Variants in SGCG observed in about 807,000 individuals in gnomAD.
SGCG encodes gamma-sarcoglycan.
In SGCG, 26 loss-of-function variants were observed where a neutral mutation model predicts 29.3. The ratio of observed to expected loss-of-function variants is 0.89; its 90% confidence interval spans 0.65 to 1.23. The LOEUF (loss-of-function observed/expected upper bound fraction) is 1.23. SGCG is among the 50% of genes most tolerant of loss of function. The probability of loss-of-function intolerance (pLI) is 0.00; values close to 1 mark genes in which losing one functional copy is unlikely to be tolerated. For synonymous variants in SGCG, 145 were observed against 129.7 expected (o/e 1.12, Z -0.80); for missense variants, 353 against 356.0 (o/e 0.99, Z 0.07).
the SGCG span, among the ~76,000 whole-genome samples, chr13:23,170,981 T>C: frequency 6.6e-6 from 1 of 152,232 alleles, no homozygotes; most frequent in African/African-American, 2.4e-5. Context: ...GAAAATAGTA[T>C]AATTTGGCTT....
At chr13:23,204,705 C>CT (rs1877916907) in intron 2 of SGCG, among the ~76,000 whole-genome samples, 2 of 140,888 alleles carry the variant, frequency 1.4e-5, no homozygotes, top group African/African-American at 5.4e-5. Flanking sequence ...TTCTTTCTTT[C>CT]CTTTTTTTTT....
chr13:23,252,897 A>G (rs969224245), intron 4 of SGCG, among the ~76,000 whole-genome samples: 1 of 152,154 alleles, frequency 6.6e-6, no homozygotes, highest in African/African-American at 2.4e-5. Flanking sequence ...TTAGTAGAGA[A>G]GTCAAAACAG....
At chr13:23,183,292 C>A (rs1876819698) in intron 1 of SGCG, among the ~76,000 whole-genome samples, 1 of 152,152 alleles carries the variant, frequency 6.6e-6, no homozygotes, top group African/African-American at 2.4e-5. Context: ...CTTATCCTGA[C>A]CCCACACTGC....
intron 3 of SGCG, chr13:23,245,665 C>T (rs1028210973): frequency 7.2e-5 from 11 of 152,274 alleles, no homozygotes; most frequent in East Asian, 1.9e-4. Flanking sequence ...AAAAGCTCTC[C>T]GCCTTTAAAT....
At chr13:23,261,413 G>C (rs1313781240) in intron 4 of SGCG, among the ~76,000 whole-genome samples, 1 of 151,972 alleles carries the variant, frequency 6.6e-6, no homozygotes, top group African/African-American at 2.4e-5. Flanking sequence ...AAGAATTTCA[G>C]AGCTCGAAGA....
chr13:23,210,651 A>T (rs555311847), intron 2 of SGCG, among the ~76,000 whole-genome samples: 1 of 152,274 alleles, frequency 6.6e-6, no homozygotes, highest in African/African-American at 2.4e-5. Context: ...AGATCATGCC[A>T]TTGCACTCCA....
intron 5 of SGCG, among the ~76,000 whole-genome samples, chr13:23,282,489 C>A (rs1346795914): frequency 6.6e-5 from 10 of 152,170 alleles, no homozygotes. Flanking sequence ...TCCCATCCTC[C>A]ACCCTTCAGT....
At chr13:23,168,507 G>A in the SGCG span, among the ~76,000 whole-genome samples, 1 of 152,202 alleles carries the variant, frequency 6.6e-6, no homozygotes, top group African/African-American at 2.4e-5. Context: ...AGCCCCAGCA[G>A]GGTGCTCGTG....
chr13:23,214,879 AAGATATTATT>A (rs1254048322), intron 2 of SGCG, among the ~76,000 whole-genome samples: 1 of 152,216 alleles, frequency 6.6e-6, no homozygotes, highest in Non-Finnish European at 1.5e-5. Context: ...ATTAGAAGAC[AAGATATTATT>A]AGGACTGAGT....
intron 2 of SGCG, among the ~76,000 whole-genome samples, chr13:23,216,784 CTGT>C (rs1382190929): frequency 1.3e-5 from 2 of 152,070 alleles, no homozygotes; most frequent in Admixed American, 6.5e-5. Flanking sequence ...ATATAGTTCT[CTGT>C]TGTTAATTAC....
the SGCG span, among the ~76,000 whole-genome samples, chr13:23,173,926 A>G: frequency 3.9e-5 from 6 of 152,240 alleles, no homozygotes; most frequent in Admixed American, 6.5e-5. Context: ...GGACAGAATT[A>G]CGTCTCTGCA....
At chr13:23,274,493 C>G (rs543930505) in intron 4 of SGCG, among the ~76,000 whole-genome samples, 15 of 149,848 alleles carry the variant, frequency 1.0e-4, no homozygotes, top group African/African-American at 2.7e-4. Flanking sequence ...AGCTCCACCC[C>G]CCAGGTGCAA....
the SGCG span, among the ~76,000 whole-genome samples, chr13:23,165,768 C>A: frequency 6.6e-6 from 1 of 152,134 alleles, no homozygotes; most frequent in Non-Finnish European, 1.5e-5. Context: ...CTCAGGTGAT[C>A]CACCTGCCTT....
At chr13:23,198,672 C>A (rs1877612261) in intron 1 of SGCG, among the ~76,000 whole-genome samples, 2 of 151,868 alleles carry the variant, frequency 1.3e-5, no homozygotes, top group Admixed American at 6.6e-5. Context: ...TGGTGAAACC[C>A]AGTCTCTATT....
At chr13:23,184,075 T>A (rs1057180053) in intron 1 of SGCG, among the ~76,000 whole-genome samples, 1 of 152,236 alleles carries the variant, frequency 6.6e-6, no homozygotes, top group African/African-American at 2.4e-5. Flanking sequence ...AAAGTCACTT[T>A]AAATCATCCC....
intron 1 of SGCG, among the ~76,000 whole-genome samples, chr13:23,197,038 A>T (rs1021998466): frequency 1.3e-5 from 2 of 152,032 alleles, no homozygotes; most frequent in Admixed American, 1.3e-4. Flanking sequence ...CTTAGTTCTC[A>T]CTTTTCATTG....
intron 6 of SGCG, among the ~76,000 whole-genome samples, chr13:23,313,938 C>G (rs559613317): frequency 2.5e-4 from 38 of 152,240 alleles, no homozygotes; most frequent in African/African-American, 7.9e-4. Flanking sequence ...TGAGACTGGC[C>G]TAGCCTCCCA....
At chr13:23,236,007 T>C (rs551092076) in intron 3 of SGCG, among the ~76,000 whole-genome samples, 1 of 152,276 alleles carries the variant, frequency 6.6e-6, no homozygotes, top group East Asian at 1.9e-4. Flanking sequence ...GAAAAGTACA[T>C]AAGTAGTTTT....
At chr13:23,316,977 T>C (rs963202446) in intron 6 of SGCG, among the ~76,000 whole-genome samples, 14 of 151,984 alleles carry the variant, frequency 9.2e-5, no homozygotes, top group Non-Finnish European at 1.8e-4. Context: ...GAGGCCAAGG[T>C]GGGCAGATCA....
Sources: gnomAD v4.1 joint callset for allele counts (sites outside exome capture counted in the v4.1 genomes callset) on GRCh38, gnomAD v4.1.1 for gene constraint, MANE v1.5 for transcripts, NCBI Gene and HGNC (gene_info 2026-07-23, HGNC 2026-07-21) for gene names.